Variants in GRID2 observed in about 807,000 individuals in gnomAD.
GRID2 encodes glutamate ionotropic receptor delta type subunit 2, also known as glutamate receptor ionotropic, delta-2.
GRID2 carries 33 observed loss-of-function variants against 114.8 expected under a neutral mutation model. The ratio of observed to expected loss-of-function variants is 0.29; its 90% CI spans 0.22 to 0.38. GRID2 has a LOEUF of 0.38. Ranked by LOEUF, GRID2 falls within the 10% of genes least tolerant of loss-of-function variation. The probability of loss-of-function intolerance (pLI) is 1.00; values close to 1 mark genes in which losing one functional copy is unlikely to be tolerated. For synonymous variants in GRID2, 505 were observed against 449.9 expected (o/e 1.12, Z -1.55); for missense variants, 1,184 against 1,257.7 (o/e 0.94, Z 0.89).
intron 9 of GRID2, among the ~76,000 whole-genome samples, chr4:93,407,680 T>TTA (rs1233115520): frequency 2.0e-5 from 3 of 151,496 alleles, no homozygotes; most frequent in African/African-American, 7.3e-5. Context: ...TTCAGAATTT[T>TTA]TTTTTTTTCA....
intron 1 of GRID2, among the ~76,000 whole-genome samples, chr4:92,421,279 T>C (rs1234416766): frequency 6.6e-6 from 1 of 152,146 alleles, no homozygotes; most frequent in Non-Finnish European, 1.5e-5. Flanking sequence ...CCTGCTGAGT[T>C]CATTCTATAT....
At chr4:92,436,382 T>G (rs1455153321) in intron 1 of GRID2, among the ~76,000 whole-genome samples, 1 of 152,184 alleles carries the variant, frequency 6.6e-6, no homozygotes, top group African/African-American at 2.4e-5. Context: ...GTCTTGACAT[T>G]TTCCCATTTT....
At chr4:92,804,065 T>C (rs1740297227) in intron 2 of GRID2, among the ~76,000 whole-genome samples, 1 of 151,980 alleles carries the variant, frequency 6.6e-6, no homozygotes, top group Admixed American at 6.6e-5. Flanking sequence ...GTCTGTGTCA[T>C]TACATCGTAT....
chr4:93,754,251 T>A (rs1732565804), intron 14 of GRID2, among the ~76,000 whole-genome samples: 2 of 152,210 alleles, frequency 1.3e-5, no homozygotes, highest in Non-Finnish European at 2.9e-5. Flanking sequence ...CTGTAATGTG[T>A]GTTGCAGCTC....
intron 11 of GRID2, among the ~76,000 whole-genome samples, chr4:93,457,890 A>G (rs1723357624): frequency 6.6e-6 from 1 of 152,224 alleles, no homozygotes; most frequent in Non-Finnish European, 1.5e-5. Flanking sequence ...TCCGTGAAAC[A>G]TCCAAAAGAG....
At position 92,709,589 on chromosome 4, in the gene GRID2, A is replaced by AAAAATATAT. The variant is rs779775767; in HGVS notation, c.244+119304_244+119305insAAATATATA. ...AGTGTAGAGAAAAAAAAAAAAAAAA[A>AAAAATATAT]ATATATATATATATATATATGTAAT... On this transcript the variant is annotated intron_variant, in intron 2 of 15. Coordinates refer to ENST00000282020, the MANE Select transcript of GRID2 (RefSeq NM_001510.4). Among the ~76,000 whole-genome samples, 918 of 114,554 alleles carry AAAAATATAT rather than the reference A, an allele frequency of 8.0e-3. 4 individuals carry two copies. The highest frequency in any genetic ancestry group is 0.018 in the East Asian group (63 of 3,454). The allele number at this position is 114,554 out of a possible 152,430, so 75.2% of individuals were successfully genotyped here. A position where few individuals can be genotyped will look rare whatever the true frequency, so the allele number is the denominator to read the frequency against.
At chr4:93,094,197 T>C (rs1480221783) in intron 3 of GRID2, among the ~76,000 whole-genome samples, 1 of 152,028 alleles carries the variant, frequency 6.6e-6, no homozygotes, top group Non-Finnish European at 1.5e-5. Context: ...TCTTTAAAAA[T>C]TGGTTGGAAT....
intron 1 of GRID2, among the ~76,000 whole-genome samples, chr4:92,349,137 T>G (rs576284121): frequency 6.6e-6 from 1 of 152,182 alleles, no homozygotes. Context: ...CTTTTTAAAC[T>G]ACACACCAAG....
rs529822331 is a variant in GRID2 at position 93,370,791 on chromosome 4, G to A, written c.1246-24816G>A. 2.6e-5 allele frequency among the ~76,000 whole-genome samples: 4 copies of A among 152,082 alleles called. No homozygotes were observed. The South Asian group carries it at 8.3e-4, about 32-fold the overall frequency. ...CGTGTTTATTTTCCCTGTGTGATTT[G>A]TTTTTTAGACTATGACCACCTTGAA... On this transcript the variant is annotated intron_variant, in intron 8 of 15. Coordinates refer to ENST00000282020, the MANE Select transcript of GRID2 (RefSeq NM_001510.4).
At chr4:93,530,689 C>T (rs1051951512) in intron 13 of GRID2, among the ~76,000 whole-genome samples, 22 of 152,092 alleles carry the variant, frequency 1.4e-4, no homozygotes, top group South Asian at 2.1e-4. Context: ...CTTGTCTATC[C>T]TTCTAGATCA....
At chr4:92,679,500 T>C (rs1560528379) in intron 2 of GRID2, among the ~76,000 whole-genome samples, 1 of 152,066 alleles carries the variant, frequency 6.6e-6, no homozygotes, top group Non-Finnish European at 1.5e-5. Flanking sequence ...AATCAGGTAC[T>C]AAAAATAAAT....
At chr4:93,366,179 C>T (rs1252229989) in intron 8 of GRID2, among the ~76,000 whole-genome samples, 2 of 152,166 alleles carry the variant, frequency 1.3e-5, no homozygotes, top group South Asian at 2.1e-4. Flanking sequence ...TAACCTTAAA[C>T]TCTGACTGCC....
chr4:93,794,690 T>C (rs1338627337), intron 1 of GRID2, among the ~76,000 whole-genome samples: 1 of 152,214 alleles, frequency 6.6e-6, no homozygotes. Flanking sequence ...AATTTTTGTT[T>C]TGTTTTGCAT....
chr4:92,794,987 A>G (rs1739792198), intron 2 of GRID2, among the ~76,000 whole-genome samples: 1 of 150,532 alleles, frequency 6.6e-6, no homozygotes, highest in South Asian at 2.1e-4. Flanking sequence ...AGAAAATCAT[A>G]AGGAAGAGAA....
intron 1 of GRID2, among the ~76,000 whole-genome samples, chr4:92,465,623 T>C (rs1157692382): frequency 1.3e-5 from 2 of 152,098 alleles, no homozygotes; most frequent in African/African-American, 4.8e-5. Context: ...AATTGTATTT[T>C]TCCTTTTAAT....
intron 1 of GRID2, among the ~76,000 whole-genome samples, chr4:92,445,600 C>A (rs1466414796): frequency 1.3e-5 from 2 of 152,150 alleles, no homozygotes; most frequent in African/African-American, 4.8e-5. Context: ...ATGTAAGGTG[C>A]TACCCTTGAA....
intron 4 of GRID2, among the ~76,000 whole-genome samples, chr4:93,171,848 A>G (rs538745374): frequency 6.6e-6 from 1 of 152,226 alleles, no homozygotes; most frequent in African/African-American, 2.4e-5. Flanking sequence ...ACTCAAGTTC[A>G]TAGTTCTTTT....
At chr4:93,599,288 G>A (rs1321111617) in intron 13 of GRID2, among the ~76,000 whole-genome samples, 2 of 152,164 alleles carry the variant, frequency 1.3e-5, no homozygotes, top group Admixed American at 6.5e-5. Context: ...AAATTTTATA[G>A]CACTGTCATT....
chr4:92,952,252 C>T (rs1752092676), intron 2 of GRID2, among the ~76,000 whole-genome samples: 1 of 152,118 alleles, frequency 6.6e-6, no homozygotes, highest in Non-Finnish European at 1.5e-5. Flanking sequence ...CATGTTTTCT[C>T]TCTTAAATAA....
Sources: gnomAD v4.1 joint callset for allele counts (sites outside exome capture counted in the v4.1 genomes callset) on GRCh38, gnomAD v4.1.1 for gene constraint, MANE v1.5 for transcripts, NCBI Gene and HGNC (gene_info 2026-07-23, HGNC 2026-07-21) for gene names.